Variants in NRG1 observed in about 807,000 individuals in gnomAD.
The protein encoded by NRG1 is neuregulin 1.
Under a neutral mutation model 63.8 loss-of-function variants are expected in NRG1, and 18 were observed. The observed-to-expected ratio is 0.28, with a 90% confidence interval of 0.19 to 0.42. The LOEUF (loss-of-function observed/expected upper bound fraction) is 0.42. Ranked by LOEUF, NRG1 falls within the 10% of genes least tolerant of loss-of-function variation. The pLI is 1.00. For synonymous variants in NRG1, 302 were observed against 301.3 expected, an observed-to-expected ratio of 1.00 and a Z score of -0.02; for missense variants, 762 against 814.7, an observed-to-expected ratio of 0.94 and a Z score of 0.79.
chr8:32,173,103 C>T (rs1234421713), intron 1 of NRG1, among the ~76,000 whole-genome samples: 1 of 152,158 alleles, frequency 6.6e-6, no homozygotes, highest in Non-Finnish European at 1.5e-5. Flanking sequence ...GGTCAGGTTA[C>T]CCACAAAGGG....
intron 1 of NRG1, among the ~76,000 whole-genome samples, chr8:32,281,343 A>C (rs1394535090): frequency 2.7e-5 from 4 of 150,550 alleles, no homozygotes; most frequent in Admixed American, 6.6e-5. Flanking sequence ...AGGCCCCCAT[A>C]ATTTTTGTAT....
chr8:31,659,293 A>C (rs1375113716), intron 1 of NRG1, among the ~76,000 whole-genome samples: 1 of 152,190 alleles, frequency 6.6e-6, no homozygotes, highest in Non-Finnish European at 1.5e-5. Context: ...AAGAAAAAAA[A>C]CAACTTTCCC....
At chr8:32,363,186 T>C (rs13439861) in intron 1 of NRG1, among the ~76,000 whole-genome samples, 20,218 of 152,176 alleles carry the variant, frequency 0.13, 1,611 homozygotes, top group Middle Eastern at 0.21. Context: ...TGAAAAGTGA[T>C]CCCTGGTGAT....
chr8:32,354,750 A>AAATAAATG (rs1563351411), intron 1 of NRG1, among the ~76,000 whole-genome samples: 2 of 134,544 alleles, frequency 1.5e-5, no homozygotes, highest in Non-Finnish European at 3.3e-5. Flanking sequence ...ATAAATAAAT[A>AAATAAATG]AATGCACTTT....
chr8:32,015,821 G>A (rs1036936589), intron 1 of NRG1, among the ~76,000 whole-genome samples: 3 of 150,734 alleles, frequency 2.0e-5, no homozygotes, highest in Admixed American at 6.6e-5. Flanking sequence ...GATACCCCAG[G>A]TGCTTCCTCA....
chr8:32,577,804 T>G (rs971712989), intron 1 of NRG1, among the ~76,000 whole-genome samples: 2 of 152,246 alleles, frequency 1.3e-5, no homozygotes, highest in Admixed American at 6.5e-5. Flanking sequence ...TTTAAACTGT[T>G]ATGTACCATC....
chr8:32,101,115 C>T (rs1243101840), intron 1 of NRG1, among the ~76,000 whole-genome samples: 1 of 152,110 alleles, frequency 6.6e-6, no homozygotes, highest in South Asian at 2.1e-4. Flanking sequence ...TACATGTAAC[C>T]AACCTATTTT....
chr8:31,879,296 A>G (rs1039994400), intron 1 of NRG1, among the ~76,000 whole-genome samples: 6 of 152,208 alleles, frequency 3.9e-5, no homozygotes, highest in African/African-American at 1.4e-4. Context: ...TGTGAAGTCA[A>G]TTGTACTCAG....
chr8:32,101,485 T>C (rs1830576183), intron 1 of NRG1, among the ~76,000 whole-genome samples: 1 of 151,828 alleles, frequency 6.6e-6, no homozygotes, highest in South Asian at 2.1e-4. Context: ...CAGATTTTTT[T>C]TTTTTTTTTT....
At chr8:32,285,703 T>G (rs1586624989) in intron 1 of NRG1, among the ~76,000 whole-genome samples, 1 of 152,258 alleles carries the variant, frequency 6.6e-6, no homozygotes, top group African/African-American at 2.4e-5. Flanking sequence ...TTTGATGAGG[T>G]TCCGTATGCC....
At chr8:32,659,437 C>A (rs1675457150) in intron 5 of NRG1, among the ~76,000 whole-genome samples, 2 of 152,242 alleles carry the variant, frequency 1.3e-5, no homozygotes, top group Middle Eastern at 3.4e-3. Flanking sequence ...CGTGACCCAC[C>A]GTGGCCAGCC....
At chr8:32,761,262 A>G (rs2129059159) in intron 11 of NRG1, among the ~76,000 whole-genome samples, 1 of 152,320 alleles carries the variant, frequency 6.6e-6, no homozygotes. Context: ...TTTGTTTGCA[A>G]GTCTGCTGGG....
intron 1 of NRG1, among the ~76,000 whole-genome samples, chr8:31,925,139 TG>T (rs1262570376): frequency 4.8e-4 from 2 of 4,172 alleles, no homozygotes; most frequent in African/African-American, 9.7e-3. Flanking sequence ...TATATGTGTG[TG>T]TGTGTGTATA....
At chr8:31,808,358 T>A (rs1822501164) in intron 1 of NRG1, among the ~76,000 whole-genome samples, 1 of 152,112 alleles carries the variant, frequency 6.6e-6, no homozygotes, top group Admixed American at 6.5e-5. Flanking sequence ...TCTTCCCTTT[T>A]ACTCAACTTA....
intron 1 of NRG1, among the ~76,000 whole-genome samples, chr8:31,811,646 ATTTGT>A (rs1822899309): frequency 6.6e-6 from 1 of 152,144 alleles, no homozygotes; most frequent in Non-Finnish European, 1.5e-5. Flanking sequence ...CTTAAAAATA[ATTTGT>A]TTTGTTCTTC....
intron 1 of NRG1, among the ~76,000 whole-genome samples, chr8:32,413,378 T>G (rs1038889255): frequency 6.6e-6 from 1 of 152,172 alleles, no homozygotes; most frequent in Middle Eastern, 3.2e-3. Context: ...TGAGGAGAGA[T>G]GGTAACTAAA....
intron 1 of NRG1, among the ~76,000 whole-genome samples, chr8:32,131,011 CA>C (rs982673721): frequency 1.3e-5 from 2 of 151,870 alleles, no homozygotes; most frequent in African/African-American, 4.8e-5. Flanking sequence ...CACCATATGG[CA>C]AAAGGCAGAG....
At chr8:32,396,793 T>A (rs1007525804) in intron 1 of NRG1, among the ~76,000 whole-genome samples, 1 of 152,152 alleles carries the variant, frequency 6.6e-6, no homozygotes, top group Admixed American at 6.5e-5. Flanking sequence ...CATTGTTTTA[T>A]TAATTTATAT....
chr8:32,544,469 CTTATTATTTAT>C (rs942801796), upstream of NRG1, among the ~76,000 whole-genome samples: 1 of 127,444 alleles, frequency 7.8e-6, no homozygotes, highest in Non-Finnish European at 1.6e-5. Flanking sequence ...TACTGCCTAG[CTTATTATTTAT>C]TTATTTATTT....
Sources: gnomAD v4.1 joint callset for allele counts (sites outside exome capture counted in the v4.1 genomes callset) on GRCh38, gnomAD v4.1.1 for gene constraint, MANE v1.5 for transcripts, NCBI Gene and HGNC (gene_info 2026-07-23, HGNC 2026-07-21) for gene names.